PKHD1: variants seen among roughly 807,000 people sequenced by gnomAD.
PKHD1 encodes the protein fibrocystin.
PKHD1 carries 291 observed loss-of-function variants against 412.0 expected under a neutral mutation model. That is an observed-to-expected ratio of 0.71 (90% CI 0.64 to 0.78). PKHD1 has a LOEUF of 0.78. Ranked by LOEUF, PKHD1 falls within the 30% of genes least tolerant of loss-of-function variation. The pLI, the probability that PKHD1 is intolerant of heterozygous loss-of-function variation, is 0.00. For synonymous variants in PKHD1, 1,777 were observed against 1,821.5 expected (o/e 0.98, Z 0.62); for missense variants, 4,825 against 4,950.7 (o/e 0.97, Z 0.76).
intron 60 of PKHD1, among the ~76,000 whole-genome samples, chr6:51,724,810 T>C (rs901853610): frequency 4.0e-5 from 6 of 151,536 alleles, no homozygotes; most frequent in Admixed American, 1.3e-4. Context: ...TAAGAAGGAG[T>C]CCTAGGGATA....
intron 61 of PKHD1, among the ~76,000 whole-genome samples, chr6:51,650,817 A>G (rs1040933502): frequency 6.6e-6 from 1 of 152,066 alleles, no homozygotes; most frequent in Non-Finnish European, 1.5e-5. Flanking sequence ...CACTAGCCCC[A>G]TCATCATTTC....
chr6:51,823,270 C>A (rs780812119), intron 52 of PKHD1, among the ~76,000 whole-genome samples: 9 of 151,976 alleles, frequency 5.9e-5, no homozygotes, highest in Non-Finnish European at 1.0e-4. Flanking sequence ...TAGATGGGAG[C>A]ACATACCAAA....
At chr6:52,005,006 G>T (rs2128105778) in intron 35 of PKHD1, among the ~76,000 whole-genome samples, 1 of 152,090 alleles carries the variant, frequency 6.6e-6, no homozygotes, top group Non-Finnish European at 1.5e-5. Context: ...CCTCCTCTCT[G>T]GTATCCTTCC....
chr6:51,844,467 C>A (rs1484147371), intron 50 of PKHD1, among the ~76,000 whole-genome samples: 3 of 152,148 alleles, frequency 2.0e-5, no homozygotes, highest in Non-Finnish European at 4.4e-5. Context: ...GAAGGGTTCT[C>A]CCACAACCCT....
At chr6:51,657,168 G>C (rs1325390969) in intron 61 of PKHD1, among the ~76,000 whole-genome samples, 1 of 151,664 alleles carries the variant, frequency 6.6e-6, no homozygotes, top group South Asian at 2.1e-4. Context: ...ATTTCTGCTG[G>C]CTTAAGGTCA....
intron 37 of PKHD1, among the ~76,000 whole-genome samples, chr6:51,921,369 T>G (rs866670165): frequency 7.9e-5 from 12 of 152,318 alleles, no homozygotes; most frequent in African/African-American, 2.9e-4. Flanking sequence ...ATTTTTTCCT[T>G]CATTTCAACT....
In PKHD1 at chr6:51,616,370, T is replaced by C. The variant is rs1766065419; in HGVS notation, c.*2711A>G. 1 of 290,424 alleles carries C rather than the reference T, an allele frequency of 3.4e-6. No homozygotes were observed. The highest frequency in any genetic ancestry group is 5.5e-5 in the East Asian group (1 of 18,196). 18.0% of individuals were successfully genotyped at this position (290,424 alleles called of 1,614,324 possible). A position where few individuals can be genotyped will look rare whatever the true frequency, so the allele number is the denominator to read the frequency against. ...TCAATATTTATTTAGATAAAGGGTG[T>C]AGATTGTCACTGCTGGGAAATATTT... On this transcript the variant is annotated 3_prime_UTR_variant, in exon 67 of 67. Coordinates refer to ENST00000371117, the MANE Select transcript of PKHD1 (RefSeq NM_138694.4).
chr6:51,941,428 T>G (rs1337708168), intron 36 of PKHD1, among the ~76,000 whole-genome samples: 1 of 149,184 alleles, frequency 6.7e-6, no homozygotes, highest in African/African-American at 2.5e-5. Context: ...GCTAATTTTT[T>G]GTATTTTTAG....
At chr6:51,620,952 T>C (rs1019219568) in intron 66 of PKHD1, among the ~76,000 whole-genome samples, 13 of 152,126 alleles carry the variant, frequency 8.5e-5, no homozygotes, top group African/African-American at 3.1e-4. Flanking sequence ...TTGTCTAGCA[T>C]GTATCTTCTA....
intron 11 of PKHD1, among the ~76,000 whole-genome samples, chr6:52,067,258 T>A (rs1809876860): frequency 6.6e-6 from 1 of 152,244 alleles, no homozygotes; most frequent in South Asian, 2.1e-4. Context: ...CACTATTTTA[T>A]AATTTCTTTT....
intron 60 of PKHD1, among the ~76,000 whole-genome samples, chr6:51,672,109 C>T (rs1310313488): frequency 1.3e-5 from 2 of 152,188 alleles, no homozygotes; most frequent in Non-Finnish European, 2.9e-5. Context: ...TTATACCTTT[C>T]ACTTTCTCCT....
chr6:51,960,651 C>T (rs1277544641), intron 35 of PKHD1, among the ~76,000 whole-genome samples: 2 of 152,160 alleles, frequency 1.3e-5, no homozygotes, highest in Non-Finnish European at 2.9e-5. Context: ...GTGCCTGGTG[C>T]ATCAGGGCTG....
chr6:52,054,856 G>A (rs563260331), intron 19 of PKHD1, among the ~76,000 whole-genome samples: 9 of 152,302 alleles, frequency 5.9e-5, no homozygotes, highest in South Asian at 4.1e-4. Flanking sequence ...AGATGAGGCT[G>A]AAGAAGGGAG....
At chr6:51,671,704 G>C (rs1048705316) in intron 60 of PKHD1, among the ~76,000 whole-genome samples, 3 of 152,116 alleles carry the variant, frequency 2.0e-5, no homozygotes, top group African/African-American at 4.8e-5. Context: ...CTTTGATGAT[G>C]GTGATGTACA....
At chr6:51,818,048 G>A (rs575143828) in intron 52 of PKHD1, among the ~76,000 whole-genome samples, 9 of 152,148 alleles carry the variant, frequency 5.9e-5, no homozygotes, top group South Asian at 2.1e-4. Context: ...ATCAGGTTAC[G>A]TTATCATGTA....
At chr6:51,912,216 C>T in intron 38 of PKHD1, 150 bp downstream of exon 38, 4 of 715,876 alleles carry the variant, frequency 5.6e-6, no homozygotes, top group African/African-American at 1.7e-5. Context: ...CAAAACATTT[C>T]ATGCTTTTTA....
intron 37 of PKHD1, among the ~76,000 whole-genome samples, chr6:51,926,548 T>C (rs1040641838): frequency 1.3e-5 from 2 of 152,184 alleles, no homozygotes; most frequent in African/African-American, 4.8e-5. Flanking sequence ...ACTTGGATTA[T>C]TGAATAGCTA....
At chr6:51,773,104 G>A (rs1029656306) in intron 54 of PKHD1, among the ~76,000 whole-genome samples, 1 of 151,906 alleles carries the variant, frequency 6.6e-6, no homozygotes. Context: ...CCACTCTTAC[G>A]TGACTCCAAA....
At chr6:51,831,311 A>G (rs1057204612) in intron 51 of PKHD1, among the ~76,000 whole-genome samples, 1 of 152,178 alleles carries the variant, frequency 6.6e-6, no homozygotes, top group Admixed American at 6.6e-5. Context: ...ACCTTGCAAT[A>G]ACTACCTTTT....
Sources: gnomAD v4.1 joint callset for allele counts (sites outside exome capture counted in the v4.1 genomes callset) on GRCh38, gnomAD v4.1.1 for gene constraint, MANE v1.5 for transcripts, NCBI Gene and HGNC (gene_info 2026-07-23, HGNC 2026-07-21) for gene names.